PDGFRL: variants seen among roughly 807,000 people sequenced by gnomAD.
PDGFRL encodes the protein platelet derived growth factor receptor like, also known as platelet-derived growth factor receptor-like protein.
In PDGFRL, 46 loss-of-function variants were observed where a neutral mutation model predicts 37.2. The observed-to-expected ratio is 1.24, with a 90% confidence interval of 0.98 to 1.58. The LOEUF (loss-of-function observed/expected upper bound fraction) is 1.58, where lower values mean the gene tolerates loss of function less well. Among genes scored for constraint, PDGFRL ranks in the 40% most tolerant of loss-of-function variants. PDGFRL has a pLI of 0.00. For missense variants in PDGFRL, 692 were observed against 467.6 expected, an observed-to-expected ratio of 1.48 and a Z score of -4.43; for synonymous variants, 251 against 184.3, an observed-to-expected ratio of 1.36 and a Z score of -2.93.
At chr8:17,620,201 A>G (rs1804603074) in intron 2 of PDGFRL, among the ~76,000 whole-genome samples, 1 of 152,170 alleles carries the variant, frequency 6.6e-6, no homozygotes, top group South Asian at 2.1e-4. Flanking sequence ...GCCTCAAGTT[A>G]TCTTCCCATC....
At chr8:17,590,029 A>AGGCTATCCT (rs1235378228) in intron 2 of PDGFRL, among the ~76,000 whole-genome samples, 1 of 150,756 alleles carries the variant, frequency 6.6e-6, no homozygotes, top group Non-Finnish European at 1.5e-5. Context: ...CAGGAGATCG[A>AGGCTATCCT]GGCTATCCTG....
At chr8:17,601,727 T>G (rs1230982999) in intron 2 of PDGFRL, among the ~76,000 whole-genome samples, 1 of 152,230 alleles carries the variant, frequency 6.6e-6, no homozygotes, top group Non-Finnish European at 1.5e-5. Context: ...GTATTTAGTC[T>G]TCAGTTCCTG....
chr8:17,629,886 G>C (rs929513445), intron 4 of PDGFRL, among the ~76,000 whole-genome samples: 26 of 152,092 alleles, frequency 1.7e-4, no homozygotes, highest in African/African-American at 5.8e-4. Context: ...CACCCACCCT[G>C]TTCTTGAGGG....
chr8:17,618,933 G>A (rs1193198790), intron 2 of PDGFRL, among the ~76,000 whole-genome samples: 1 of 152,080 alleles, frequency 6.6e-6, no homozygotes, highest in East Asian at 1.9e-4. Context: ...GAAGCTTCCT[G>A]AAGGAGGAGA....
chr8:17,592,390 T>C (rs1184379473), intron 2 of PDGFRL, among the ~76,000 whole-genome samples: 1 of 152,194 alleles, frequency 6.6e-6, no homozygotes, highest in Non-Finnish European at 1.5e-5. Flanking sequence ...ACACCTGGGC[T>C]AGGGCTTCTC....
At chr8:17,619,668 C>T (rs144213868) in intron 2 of PDGFRL, among the ~76,000 whole-genome samples, 1 of 152,260 alleles carries the variant, frequency 6.6e-6, no homozygotes, top group African/African-American at 2.4e-5. Context: ...AATGCAGAGA[C>T]TTATCTTTAT....
chr8:17,581,274 C>T lies in PDGFRL; in HGVS notation c.55+3967C>T, dbSNP rs570019128. Among the ~76,000 whole-genome samples, 10 of 152,194 alleles carry T rather than the reference C, an allele frequency of 6.6e-5. No homozygotes were observed. In the East Asian group the frequency reaches 1.9e-3, roughly 29 times the overall value. ...GCAAAGCTGTGCACTCCAGGGGCAC[C>T]ACAAAGGCAATAGCTTCAAGATGGG... On this transcript the variant is annotated intron_variant, in intron 1 of 5. Transcript: ENST00000251630.
At position 17,579,556 on chromosome 8, in the gene PDGFRL, G is replaced by GTTGTTA. The variant is rs375642245; in HGVS notation, c.55+2251_55+2252insGTTATT. Among the ~76,000 whole-genome samples the GTTGTTA allele has an allele frequency of 1.5e-4, 18 of 119,538 alleles. 1 individual carries two copies. The East Asian group carries it at 3.1e-3, about 21-fold the overall frequency. 78.4% of individuals were successfully genotyped at this position (119,538 alleles called of 152,430 possible). A position where few individuals can be genotyped will look rare whatever the true frequency, so the allele number is the denominator to read the frequency against. On this transcript the variant is annotated intron_variant, in intron 1 of 5. Transcript: ENST00000251630. ...TCTTTATTATTATTTTATTATTATT[G>GTTGTTA]TTATTATTATTATTATTATTATTAT...
Position 17,633,973 on chromosome 8 carries a change from C to G in PDGFRL, c.800-101C>G, listed in dbSNP as rs564839003. Reference sequence around the variant, plus strand: ...ACTGGTCAGGGAGCTGTGAGAAAGGCAGAAAATTCCATCTCTCTCCATGGA... The same window carrying G: ...ACTGGTCAGGGAGCTGTGAGAAAGGGAGAAAATTCCATCTCTCTCCATGGA... On this transcript the variant is annotated intron_variant, in intron 4 of 5. Transcript: ENST00000251630. The G allele has an allele frequency of 7.4e-6, 9 of 1,215,166 alleles. No individual in the cohort carries two copies. In the South Asian group the frequency reaches 1.1e-4, roughly 15 times the overall value. 75.3% of individuals were successfully genotyped at this position (1,215,166 alleles called of 1,614,324 possible).
chr8:17,619,182 G>T (rs142682979), intron 2 of PDGFRL, among the ~76,000 whole-genome samples: 3 of 152,270 alleles, frequency 2.0e-5, no homozygotes, highest in Non-Finnish European at 4.4e-5. Context: ...TCAGAAGAGC[G>T]AAGCATTTGG....
rs141577497 is a variant in PDGFRL at position 17,612,559 on chromosome 8, T to G, written c.354-8492T>G. On this transcript the variant is annotated intron_variant, in intron 2 of 5. Transcript: ENST00000251630. ...GTAATTTTTGCATTTTTAGTAGATA[T>G]GTGGTTTCACCATATTGGCCAGGCT... Among the ~76,000 whole-genome samples the G allele has an allele frequency of 5.0e-3, 759 of 152,244 alleles. 6 individuals carry two copies. Among genetic ancestry groups the G allele is most frequent in the African/African-American group, 0.018 (730 of 41,542 alleles).
Position 17,628,667 on chromosome 8 carries a change from G to C in PDGFRL, c.686G>C (p.Arg229Pro), listed in dbSNP as rs760716440. 3 of 1,613,920 alleles carry C rather than the reference G, an allele frequency of 1.9e-6. No homozygotes were observed. Among genetic ancestry groups the C allele is most frequent in the South Asian group, 2.2e-5 (2 of 91,078 alleles). ...NGTDIVYDMK[R>P]GFVYLQPHSE... ...ACGGACATTGTTTATGACATGAAGC[G>C]GGGCTTTGTGTATCTGCAACCTCAT... The change falls in exon 4 of 6, where the codon CGG (arginine) becomes CCG (proline). Residue 229 changes from arginine (R) to proline (P), a missense_variant. Coordinates refer to ENST00000251630, the MANE Select transcript of PDGFRL (RefSeq NM_001372073.1).
At chr8:17,627,995 T>C (rs1009890539) in intron 3 of PDGFRL, among the ~76,000 whole-genome samples, 3 of 131,468 alleles carry the variant, frequency 2.3e-5, no homozygotes, top group African/African-American at 3.0e-5. Flanking sequence ...CTTTCTTTTT[T>C]TTTTTTTTTT....
Position 17,628,759 on chromosome 8 carries a change from T to A in PDGFRL, c.778T>A (p.Tyr260Asn). The A allele has an allele frequency of 6.2e-7, 1 of 1,613,894 alleles. No individual in the cohort carries two copies. Among genetic ancestry groups the A allele is most frequent in the Non-Finnish European group, 8.5e-7 (1 of 1,179,778 alleles). Reference sequence around the variant, plus strand: ...GGGCAGATCTCAGATCTCCGTCAAGTACCAGCTGCTCTATGTGGCGGGTAA... The same window carrying A: ...GGGCAGATCTCAGATCTCCGTCAAGAACCAGCTGCTCTATGTGGCGGGTAA... ...AGGRSQISVK[Y>N]QLLYVAVPSG... The change falls in exon 4 of 6, where the codon TAC becomes AAC. Residue 260 changes from tyrosine (Y) to asparagine (N), a missense_variant. Tyr to Asn is a moderately radical substitution (Grantham distance 143). Coordinates refer to ENST00000251630, the MANE Select transcript of PDGFRL (RefSeq NM_001372073.1).
chr8:17,577,284 T>C lies in PDGFRL; in HGVS notation c.32T>C (p.Leu11Pro). MKVWLLLGLL[L>P]VHEALEDVTG... is the part of the protein sequence containing the mutation. ...GTCTGGCTGCTGCTTGGTCTTCTGC[T>C]GGTGCACGAAGCGCTGGAGGATGGT... is the stretch of plus-strand genomic sequence containing the variant. The change falls in exon 1 of 6, where the codon CTG (leucine) becomes CCG (proline). Residue 11 changes from leucine to proline, a missense_variant. By Grantham distance (98) the Leu-to-Pro change is moderately conservative. Transcript: ENST00000251630. 1.9e-6 allele frequency: 3 copies of C among 1,613,062 alleles called. No homozygotes were observed. Among genetic ancestry groups the C allele is most frequent in the Non-Finnish European group, 2.5e-6 (3 of 1,179,660 alleles).
chr8:17,602,736 A>C (rs2517177), intron 2 of PDGFRL, among the ~76,000 whole-genome samples: 1 of 151,790 alleles, frequency 6.6e-6, no homozygotes, highest in Non-Finnish European at 1.5e-5. Context: ...GTTCTGGTCT[A>C]CTCTGCGATG....
At chr8:17,578,034 GTCTGGTGT>G (rs1803625755) in intron 1 of PDGFRL, among the ~76,000 whole-genome samples, 2 of 40,784 alleles carry the variant, frequency 4.9e-5, no homozygotes, top group African/African-American at 8.3e-5. Context: ...TGACCACAGG[GTCTGGTGT>G]TATTTTTCTG....
intron 5 of PDGFRL, among the ~76,000 whole-genome samples, chr8:17,634,481 G>GTT (rs35721942): frequency 6.9e-6 from 1 of 145,316 alleles, no homozygotes; most frequent in African/African-American, 2.5e-5. Context: ...TCATATGCAG[G>GTT]TTTTTTTTTT....
intron 2 of PDGFRL, among the ~76,000 whole-genome samples, chr8:17,600,128 A>G (rs986985372): frequency 2.9e-4 from 44 of 151,826 alleles, no homozygotes; most frequent in African/African-American, 1.0e-3. Context: ...TCTTTTTCCT[A>G]TTCATTCTTC....
Sources: allele counts gnomAD v4.1 joint callset (sites outside exome capture counted in the v4.1 genomes callset), GRCh38; gene constraint gnomAD v4.1.1; transcripts MANE v1.5; gene names NCBI Gene and HGNC (gene_info 2026-07-23, HGNC 2026-07-21).